Variants in PRH1 observed in about 807,000 individuals in gnomAD.
The protein encoded by PRH1 is proline rich protein HaeIII subfamily 1, also known as salivary acidic proline-rich phosphoprotein 1/2.
PRH1 carries 7 observed loss-of-function variants against 7.9 expected under a neutral mutation model. That is an observed-to-expected ratio of 0.89 (90% CI 0.50 to 1.67). The LOEUF (loss-of-function observed/expected upper bound fraction) is 1.67. Ranked by LOEUF, PRH1 falls within the 40% of genes most tolerant of loss-of-function variation. The pLI is 0.00. For missense variants in PRH1, 109 were observed against 223.6 expected (o/e 0.49, Z 3.27); for synonymous variants, 45 against 80.8 (o/e 0.56, Z 2.38).
intron 1 of PRH1, among the ~76,000 whole-genome samples, chr12:11,103,054 G>A (rs1945302761): frequency 6.6e-6 from 1 of 152,194 alleles, no homozygotes; most frequent in Non-Finnish European, 1.5e-5. Context: ...AGGTGCTGGA[G>A]AGGATGTGGA....
intron 1 of PRH1, among the ~76,000 whole-genome samples, chr12:10,979,732 A>G (rs1196583993): frequency 6.6e-6 from 1 of 152,202 alleles, no homozygotes; most frequent in Non-Finnish European, 1.5e-5. Flanking sequence ...GAAATGCAGA[A>G]ATTTAGATGA....
At chr12:10,890,600 G>A (rs762632324) in intron 2 of PRH1, among the ~76,000 whole-genome samples, 2 of 152,186 alleles carry the variant, frequency 1.3e-5, no homozygotes, top group Non-Finnish European at 2.9e-5. Flanking sequence ...CCTCCCCGGT[G>A]CAGTGGCTCA....
chr12:10,936,667 T>C (rs1950293730), intron 2 of PRH1, among the ~76,000 whole-genome samples: 1 of 152,184 alleles, frequency 6.6e-6, no homozygotes, highest in Non-Finnish European at 1.5e-5. Flanking sequence ...GAATGGTATA[T>C]AAATGGAATC....
chr12:11,057,967 G>A (rs77814832), intron 1 of PRH1, among the ~76,000 whole-genome samples: 326 of 122,590 alleles, frequency 2.7e-3, no homozygotes, highest in South Asian at 7.4e-3. Context: ...TAATATTACA[G>A]CCCGGGCCCT....
intron 2 of PRH1, among the ~76,000 whole-genome samples, chr12:10,903,087 T>C (rs568348376): frequency 6.6e-6 from 1 of 152,204 alleles, no homozygotes; most frequent in African/African-American, 2.4e-5. Context: ...AAAACAAAAG[T>C]CATCGGTCTG....
intron 1 of PRH1, among the ~76,000 whole-genome samples, chr12:11,046,489 T>G (rs1942903319): frequency 6.6e-6 from 1 of 152,086 alleles, no homozygotes; most frequent in Admixed American, 6.6e-5. Context: ...CAGTCCTCTG[T>G]TACTTCAACC....
intron 2 of PRH1, among the ~76,000 whole-genome samples, chr12:10,919,075 TTC>T (rs920509975): frequency 6.6e-6 from 1 of 152,172 alleles, no homozygotes; most frequent in African/African-American, 2.4e-5. Flanking sequence ...TCTTGGTATT[TTC>T]TCTGTTTGAT....
At chr12:11,118,952 G>A (rs1164005119), downstream of PRH1, among the ~76,000 whole-genome samples, 9 of 135,644 alleles carry the variant, frequency 6.6e-5, no homozygotes, top group African/African-American at 1.5e-4. Flanking sequence ...CCGAGATTGC[G>A]CCACTGCACT....
At chr12:10,883,006 C>T in intron 2 of PRH1, 55 bp downstream of exon 2, 3 of 1,584,146 alleles carry the variant, frequency 1.9e-6, no homozygotes, top group Non-Finnish European at 2.6e-6. Flanking sequence ...GAGAACTCAT[C>T]AATTTTTCAG....
intron 1 of PRH1, among the ~76,000 whole-genome samples, chr12:11,012,949 T>C (rs775357039): frequency 1.3e-5 from 2 of 152,112 alleles, no homozygotes; most frequent in Non-Finnish European, 2.9e-5. Flanking sequence ...GCAAAAATTA[T>C]ATATTCAATT....
chr12:10,932,732 G>A (rs1252777677), intron 2 of PRH1, among the ~76,000 whole-genome samples: 1 of 152,108 alleles, frequency 6.6e-6, no homozygotes, highest in Non-Finnish European at 1.5e-5. Flanking sequence ...TCACTGATCA[G>A]TTCTGTCCCT....
chr12:10,886,734 CA>C (rs1233527370), upstream of PRH1, among the ~76,000 whole-genome samples: 2 of 152,314 alleles, frequency 1.3e-5, no homozygotes, highest in East Asian at 3.9e-4. Context: ...TAACACATCC[CA>C]ACATTTTCTC....
intron 2 of PRH1, among the ~76,000 whole-genome samples, chr12:10,909,767 A>G (rs1205377108): frequency 2.0e-5 from 3 of 152,226 alleles, no homozygotes; most frequent in Non-Finnish European, 4.4e-5. Flanking sequence ...TATGGCTAAT[A>G]GCATAGCCAA....
chr12:11,161,734 G>T (rs899190086), intron 1 of PRH1, among the ~76,000 whole-genome samples: 10 of 152,132 alleles, frequency 6.6e-5, no homozygotes, highest in African/African-American at 2.2e-4. Context: ...AAAAAATTAA[G>T]AGGCCCATTA....
chr12:10,902,780 A>G (rs1175425502), intron 2 of PRH1, among the ~76,000 whole-genome samples: 1 of 152,166 alleles, frequency 6.6e-6, no homozygotes, highest in Non-Finnish European at 1.5e-5. Context: ...ACTAACCTTT[A>G]TAACTGAAGG....
At chr12:10,984,459 GCCACTCCCATATAGTTAGTTTA>G (rs1341393891) in intron 1 of PRH1, among the ~76,000 whole-genome samples, 1 of 151,608 alleles carries the variant, frequency 6.6e-6, no homozygotes, top group Admixed American at 6.6e-5. Flanking sequence ...TCATTGGTTT[GCCACTCCCATATAGTTAGTTTA>G]CTGCTTTATT....
At chr12:11,119,328 ATAG>A (rs1024645108), downstream of PRH1, among the ~76,000 whole-genome samples, 2 of 147,610 alleles carry the variant, frequency 1.4e-5, no homozygotes, top group African/African-American at 5.0e-5. Context: ...AAAAAAAAAA[ATAG>A]AAAGAGTGAA....
At chr12:11,087,258 T>C (rs796906694) in intron 1 of PRH1, among the ~76,000 whole-genome samples, 3,122 of 77,254 alleles carry the variant, frequency 0.04, 51 homozygotes, top group Non-Finnish European at 0.06. Flanking sequence ...TGCACCAACA[T>C]GCCAGCTAAT....
At chr12:10,930,588 G>C in intron 2 of PRH1, 1 of 1,594,168 alleles carries the variant, frequency 6.3e-7, no homozygotes. Flanking sequence ...CGGCCGTGTG[G>C]TGAAGACAGA....
Sources: gnomAD v4.1 joint callset for allele counts (sites outside exome capture counted in the v4.1 genomes callset) on GRCh38, gnomAD v4.1.1 for gene constraint, MANE v1.5 for transcripts, NCBI Gene and HGNC (gene_info 2026-07-23, HGNC 2026-07-21) for gene names.